The following CADPS variants were observed in gnomAD, a reference collection of about 807,000 sequenced individuals.
CADPS encodes the protein calcium dependent secretion activator, also known as calcium-dependent secretion activator 1.
Under a neutral mutation model 167.3 loss-of-function variants are expected in CADPS, and 57 were observed. The observed-to-expected ratio is 0.34, with a 90% CI of 0.28 to 0.42. The LOEUF (loss-of-function observed/expected upper bound fraction) is 0.42. CADPS is among the 20% of genes least tolerant of loss of function. The pLI is 1.00. For missense variants in CADPS, 1,414 were observed against 1,738.1 expected (o/e 0.81, Z 3.32); for synonymous variants, 676 against 635.3 (o/e 1.06, Z -0.96).
chr3:62,462,025 T>C (rs767118142), intron 26 of CADPS, among the ~76,000 whole-genome samples: 98 of 152,334 alleles, frequency 6.4e-4, no homozygotes, highest in Non-Finnish European at 1.3e-3. Flanking sequence ...GAAAGCATTG[T>C]CACTTTCTGT....
intron 1 of CADPS, among the ~76,000 whole-genome samples, chr3:62,847,430 CCCCCCA>C (rs1559905293): frequency 7.0e-5 from 2 of 28,376 alleles, no homozygotes; most frequent in East Asian, 3.1e-3. Context: ...CCTCCCCCCT[CCCCCCA>C]CCCCACCACA....
intron 28 of CADPS, among the ~76,000 whole-genome samples, chr3:62,432,883 G>A (rs537272272): frequency 6.6e-6 from 1 of 152,222 alleles, no homozygotes; most frequent in Non-Finnish European, 1.5e-5. Flanking sequence ...TGCTTAGAGA[G>A]GAGATAACTC....
At chr3:62,779,388 C>G (rs773483790) in intron 1 of CADPS, 9 of 461,496 alleles carry the variant, frequency 2.0e-5, no homozygotes, top group Non-Finnish European at 2.9e-5. Context: ...GAGACACTTT[C>G]AGGAGAGCTG....
chr3:62,414,438 G>T (rs961308328), intron 28 of CADPS, among the ~76,000 whole-genome samples: 4 of 152,230 alleles, frequency 2.6e-5, no homozygotes, highest in African/African-American at 9.6e-5. Context: ...GGCAGGCAAA[G>T]CTTTTGCCCT....
At chr3:62,697,004 T>C (rs550934611) in intron 3 of CADPS, among the ~76,000 whole-genome samples, 1 of 152,102 alleles carries the variant, frequency 6.6e-6, no homozygotes. Context: ...CTGAGAGATG[T>C]AGCAAGGCAG....
intron 12 of CADPS, among the ~76,000 whole-genome samples, chr3:62,535,694 G>A (rs892708177): frequency 6.6e-6 from 1 of 151,988 alleles, no homozygotes; most frequent in Admixed American, 6.6e-5. Flanking sequence ...TATGGCTTGA[G>A]GAAGAAGTAA....
At chr3:62,587,552 G>C (rs1007176688) in intron 7 of CADPS, among the ~76,000 whole-genome samples, 2 of 152,206 alleles carry the variant, frequency 1.3e-5, no homozygotes, top group African/African-American at 4.8e-5. Context: ...ACCCCATCCA[G>C]GGCCAGAACC....
Position 62,852,298 on chromosome 3 carries a change from C to T in CADPS, c.441+22291G>A, listed in dbSNP as rs1243288034. Reference sequence around the variant, plus strand: ...CTCGTCAAAATCATTCTCCATCCAGCTTTGTTCCGTTGCTGGTGAGGAACT... The same window carrying T: ...CTCGTCAAAATCATTCTCCATCCAGTTTTGTTCCGTTGCTGGTGAGGAACT... On this transcript the variant is annotated intron_variant, in intron 1 of 29. Transcript: ENST00000383710. 2.6e-5 allele frequency among the ~76,000 whole-genome samples: 4 copies of T among 152,196 alleles called. No homozygotes were observed. In the East Asian group the frequency reaches 7.7e-4, roughly 29 times the overall value.
intron 6 of CADPS, among the ~76,000 whole-genome samples, chr3:62,641,917 C>T (rs72874455): frequency 3.3e-5 from 5 of 152,080 alleles, no homozygotes; most frequent in Middle Eastern, 3.4e-3. Flanking sequence ...AACTAATGAA[C>T]GCAGTGTTAT....
At chr3:62,542,328 G>A (rs546154842) in intron 11 of CADPS, among the ~76,000 whole-genome samples, 9 of 152,142 alleles carry the variant, frequency 5.9e-5, no homozygotes, top group Non-Finnish European at 1.0e-4. Context: ...CTCTTATACG[G>A]AAAATGTGTG....
intron 17 of CADPS, among the ~76,000 whole-genome samples, chr3:62,505,136 T>C (rs1190900703): frequency 6.6e-6 from 1 of 152,152 alleles, no homozygotes; most frequent in East Asian, 1.9e-4. Flanking sequence ...CATCATACTA[T>C]CCTGAATACC....
At chr3:62,852,724 A>G (rs1005818817) in intron 1 of CADPS, among the ~76,000 whole-genome samples, 2 of 152,160 alleles carry the variant, frequency 1.3e-5, no homozygotes, top group Non-Finnish European at 2.9e-5. Flanking sequence ...AATTCCAGGA[A>G]CATTATCAGG....
chr3:62,804,735 G>C (rs1298102159), intron 1 of CADPS, among the ~76,000 whole-genome samples: 1 of 151,940 alleles, frequency 6.6e-6, no homozygotes, highest in Non-Finnish European at 1.5e-5. Context: ...GGAGGCTGTA[G>C]TTCAGATTAC....
In CADPS at chr3:62,420,911, CACA is replaced by C. The variant is rs766090365; in HGVS notation, c.3777+17190_3777+17192del. Among the ~76,000 whole-genome samples, 2,667 of 139,938 alleles carry C rather than the reference CACA, an allele frequency of 0.019. 51 individuals carry two copies. Among genetic ancestry groups the C allele is most frequent in the African/African-American group, 0.043 (1,536 of 36,016 alleles). The allele number at this position is 139,938 out of a possible 152,430, so 91.8% of individuals were successfully genotyped here. On this transcript the variant is annotated intron_variant, in intron 28 of 29. Transcript: ENST00000383710. This position sits in a 1 kb window ranked among gnomAD's most constrained non-coding sequence, Gnocchi z 4.1. ...ACACACACACACACACAGGCACACA[CACA>C]CACACTTGCCAGATCACTTACCCAA...
intron 3 of CADPS, among the ~76,000 whole-genome samples, chr3:62,742,306 C>T (rs1231726115): frequency 6.6e-6 from 1 of 152,012 alleles, no homozygotes; most frequent in Non-Finnish European, 1.5e-5. Flanking sequence ...AAAAAAGAGC[C>T]TGGATAGCCA....
intron 5 of CADPS, among the ~76,000 whole-genome samples, chr3:62,647,413 C>T (rs2068828854): frequency 6.6e-6 from 1 of 152,152 alleles, no homozygotes; most frequent in South Asian, 2.1e-4. Context: ...ATCAGTAGGC[C>T]TGGGTTGGAG....
rs2061573302 is a variant in CADPS, at chr3:62,478,390, A to G, written c.3200T>C (p.Leu1067Pro). Residue 1067 changes from leucine to proline, a missense_variant, in exon 23 of 30, where the codon CTG (leucine) becomes CCG (proline). By Grantham distance (98) the Leu-to-Pro change is moderately conservative. Around this residue, in one of 6 missense-constraint regions of CADPS, gnomAD observed 529 missense variants for 629.6 expected, o/e 0.84. Coordinates refer to ENST00000383710, the MANE Select transcript of CADPS (RefSeq NM_003716.4). This position sits in a 1 kb window ranked among gnomAD's most constrained non-coding sequence, Gnocchi z 5.7. ...CTGAAGGGCGTCAAGTTTCCAAAAC[A>G]GATCTTCTGAGGTGCCTGACCCATT... ...ADNGSGTSED[L>P]FWKLDALQTF... The G allele has an allele frequency of 1.2e-6, 2 of 1,613,706 alleles. No individual in the cohort carries two copies. The highest frequency in any genetic ancestry group is 1.3e-5 in the African/African-American group (1 of 74,928).
At chr3:62,715,353 C>CCAAT (rs1554105582) in intron 3 of CADPS, among the ~76,000 whole-genome samples, 5 of 140,374 alleles carry the variant, frequency 3.6e-5, no homozygotes, top group Non-Finnish European at 1.6e-5. Flanking sequence ...GTTGGCCAGC[C>CCAAT]CTATCTATCT....
chr3:62,822,978 A>G (rs114751766), intron 1 of CADPS, among the ~76,000 whole-genome samples: 390 of 152,368 alleles, frequency 2.6e-3, no homozygotes, highest in African/African-American at 9.1e-3. Context: ...CAAGGTTGAG[A>G]TAATGAACCC....
Sources: allele counts gnomAD v4.1 joint callset (sites outside exome capture counted in the v4.1 genomes callset), GRCh38; gene constraint gnomAD v4.1.1; regional missense constraint gnomAD v4.1.1; non-coding constraint Gnocchi (gnomAD v3.1); transcripts MANE v1.5; gene names NCBI Gene and HGNC (gene_info 2026-07-23, HGNC 2026-07-21).